The following NCOA2 variants were observed in gnomAD, a reference collection of about 807,000 sequenced individuals.
NCOA2 encodes nuclear receptor coactivator 2, also known as class E basic helix-loop-helix protein 75.
In NCOA2, 21 loss-of-function variants were observed where a neutral mutation model predicts 145.1. The observed-to-expected ratio is 0.14, with a 90% CI of 0.10 to 0.21. The LOEUF (loss-of-function observed/expected upper bound fraction) is 0.21. Ranked by LOEUF, NCOA2 falls within the 10% of genes least tolerant of loss-of-function variation. The pLI, the probability that NCOA2 is intolerant of heterozygous loss-of-function variation, is 1.00. For missense variants in NCOA2, 1,472 were observed against 1,837.6 expected, an observed-to-expected ratio of 0.80 and a Z score of 3.64; for synonymous variants, 619 against 637.5, an observed-to-expected ratio of 0.97 and a Z score of 0.44.
rs191899567 is a variant in NCOA2 at position 70,397,298 on chromosome 8, C to A, written c.-77+6402G>T. Among the ~76,000 whole-genome samples, 26 of 151,906 alleles carry A rather than the reference C, an allele frequency of 1.7e-4. 1 individual carries two copies. The highest frequency in any genetic ancestry group is 1.2e-3 in the Admixed American group (19 of 15,266). On this transcript the variant is annotated intron_variant, in intron 1 of 22. Transcript: ENST00000452400. ...GAAACCTCATCTCTACCAAAAAATA[C>A]AAAAATTATCTGGGAGTGGTGACAT...
the NCOA2 span, among the ~76,000 whole-genome samples, chr8:70,423,275 C>T: frequency 6.6e-6 from 1 of 152,266 alleles, no homozygotes; most frequent in South Asian, 2.1e-4. Flanking sequence ...CCTCTGCCCC[C>T]CAGGTTCAAG....
chr8:70,442,138 A>AGAAAGAAAGAAG, the NCOA2 span, among the ~76,000 whole-genome samples: 93 of 124,348 alleles, frequency 7.5e-4, no homozygotes, highest in African/African-American at 3.6e-3. Context: ...AAAGAAAGAA[A>AGAAAGAAAGAAG]GAAAGAAAGA....
the NCOA2 span, among the ~76,000 whole-genome samples, chr8:70,439,132 CT>C: frequency 1.4e-4 from 21 of 152,088 alleles, no homozygotes; most frequent in Non-Finnish European, 2.6e-4. Flanking sequence ...AAAATACTGC[CT>C]TTTTTTCCTT....
At chr8:70,266,279 T>C (rs1342065333) in intron 2 of NCOA2, among the ~76,000 whole-genome samples, 2 of 152,198 alleles carry the variant, frequency 1.3e-5, no homozygotes, top group African/African-American at 2.4e-5. Context: ...CCTCCTACCT[T>C]AGCCACCTGA....
chr8:70,113,620 G>A lies in NCOA2; in HGVS notation c.*12C>T. On this transcript the variant is annotated 3_prime_UTR_variant, in exon 23 of 23. Coordinates refer to ENST00000452400, the MANE Select transcript of NCOA2 (RefSeq NM_006540.4). ...GCCCGGTCAGCTGAAGAAGCAACTG[G>A]CTTCAGCAGTGTCAGCAATATTTCT... 1 of 1,551,902 alleles carries A rather than the reference G, an allele frequency of 6.4e-7. No individual in the cohort carries two copies. Among genetic ancestry groups the A allele is most frequent in the Non-Finnish European group, 8.7e-7 (1 of 1,146,994 alleles).
chr8:70,122,052 A>G (rs1008497862), intron 21 of NCOA2, among the ~76,000 whole-genome samples: 22 of 152,194 alleles, frequency 1.4e-4, no homozygotes, highest in African/African-American at 4.3e-4. Context: ...AATACATCAA[A>G]TAAAAATGCA....
At chr8:70,135,016 C>T (rs1024549492) in intron 15 of NCOA2, among the ~76,000 whole-genome samples, 1 of 152,112 alleles carries the variant, frequency 6.6e-6, no homozygotes, top group African/African-American at 2.4e-5. Flanking sequence ...CTTCAGCTCT[C>T]CCAGGAAAAC....
intron 1 of NCOA2, among the ~76,000 whole-genome samples, chr8:70,312,030 T>C (rs1365927439): frequency 6.6e-6 from 1 of 152,196 alleles, no homozygotes; most frequent in East Asian, 1.9e-4. Flanking sequence ...TTGATGTGCA[T>C]TAGGAAAATG....
chr8:70,346,036 G>A (rs1270000600), intron 1 of NCOA2, among the ~76,000 whole-genome samples: 3 of 152,158 alleles, frequency 2.0e-5, no homozygotes, highest in East Asian at 3.8e-4. Context: ...AAAATCTATA[G>A]TATTGTATAT....
chr8:70,160,190 G>A (rs1812784192), intron 9 of NCOA2, among the ~76,000 whole-genome samples: 1 of 152,096 alleles, frequency 6.6e-6, no homozygotes, highest in African/African-American at 2.4e-5. Flanking sequence ...GTTTCTCACT[G>A]TGTAAGAAGT....
chr8:70,363,382 CAA>C (rs113316710), intron 1 of NCOA2, among the ~76,000 whole-genome samples: 10 of 125,856 alleles, frequency 7.9e-5, no homozygotes, highest in Non-Finnish European at 1.0e-4. Flanking sequence ...GACACCATCT[CAA>C]AAAAAAAAAA....
At chr8:70,393,244 AAC>A (rs1202642592) in intron 1 of NCOA2, among the ~76,000 whole-genome samples, 2 of 152,216 alleles carry the variant, frequency 1.3e-5, no homozygotes, top group Non-Finnish European at 2.9e-5. Flanking sequence ...TCAGTCTGGT[AAC>A]ACAGAGGATG....
At chr8:70,120,170 T>A (rs1034625221) in intron 22 of NCOA2, among the ~76,000 whole-genome samples, 1 of 152,244 alleles carries the variant, frequency 6.6e-6, no homozygotes, top group African/African-American at 2.4e-5. Context: ...AGTCCCTTGT[T>A]GGATAAATGG....
the NCOA2 span, among the ~76,000 whole-genome samples, chr8:70,431,899 A>G: frequency 1.3e-5 from 2 of 152,250 alleles, no homozygotes; most frequent in Non-Finnish European, 2.9e-5. Flanking sequence ...TAAAAGATAC[A>G]GACGTATTTT....
intron 15 of NCOA2, among the ~76,000 whole-genome samples, chr8:70,134,016 CCT>C (rs1321645343): frequency 1.3e-5 from 2 of 152,208 alleles, no homozygotes; most frequent in Non-Finnish European, 2.9e-5. Context: ...CACCCAGACC[CCT>C]GAGAGGCAGG....
intron 4 of NCOA2, among the ~76,000 whole-genome samples, chr8:70,195,176 A>AC (rs1013756067): frequency 2.0e-5 from 3 of 152,198 alleles, no homozygotes; most frequent in Non-Finnish European, 2.9e-5. Flanking sequence ...GTAGTAGCTG[A>AC]CCCTTTTGCT....
chr8:70,304,443 C>T (rs963836417), intron 1 of NCOA2, among the ~76,000 whole-genome samples: 1 of 151,870 alleles, frequency 6.6e-6, no homozygotes, highest in African/African-American at 2.4e-5. Context: ...ACTCAGAATG[C>T]ATCTAAGTGA....
chr8:70,297,618 C>T (rs1002424695), intron 1 of NCOA2, among the ~76,000 whole-genome samples: 3 of 152,208 alleles, frequency 2.0e-5, no homozygotes, highest in Non-Finnish European at 4.4e-5. Flanking sequence ...CAGGTGTGAA[C>T]CACCATGCCC....
chr8:70,136,934 GA>G (rs1809800744), intron 15 of NCOA2, among the ~76,000 whole-genome samples: 1 of 152,224 alleles, frequency 6.6e-6, no homozygotes, highest in Admixed American at 6.5e-5. Context: ...TAAACGTAAT[GA>G]AAATGTTTTG....
Sources: gnomAD v4.1 joint callset for allele counts (sites outside exome capture counted in the v4.1 genomes callset) on GRCh38, gnomAD v4.1.1 for gene constraint, MANE v1.5 for transcripts, NCBI Gene and HGNC (gene_info 2026-07-23, HGNC 2026-07-21) for gene names.